IL1RAPL2: variants seen among roughly 807,000 people sequenced by gnomAD.
IL1RAPL2 encodes the protein interleukin 1 receptor accessory protein like 2, also known as X-linked interleukin-1 receptor accessory protein-like 2.
In IL1RAPL2, 3 loss-of-function variants were observed where a neutral mutation model predicts 44.1. The observed-to-expected ratio is 0.07, with a 90% confidence interval of 0.03 to 0.18. The LOEUF (loss-of-function observed/expected upper bound fraction) is 0.18, where lower values mean the gene tolerates loss of function less well. IL1RAPL2 is among the 10% of genes least tolerant of loss of function. The pLI is 1.00. For missense variants in IL1RAPL2, 391 were observed against 496.4 expected (o/e 0.79, Z 2.02); for synonymous variants, 181 against 178.8 (o/e 1.01, Z -0.10).
At chrX:105,542,112 A>G (rs1216164826) in intron 6 of IL1RAPL2, among the ~76,000 whole-genome samples, 1 of 111,792 alleles carries the variant, frequency 8.9e-6, no homozygotes, top group Non-Finnish European at 1.9e-5. Flanking sequence ...AATGCTGCAC[A>G]GTTCCACCAT....
Position 104,658,913 on chromosome X carries a change from G to C in IL1RAPL2, c.-1G>C. On this transcript the variant is annotated 5_prime_UTR_variant, in exon 2 of 11. Transcript: ENST00000372582. Reference sequence around the variant, plus strand: ...TTTTCAGCTGTCAAGAAAAGTGAAGGATGAAGCCACCATTTCTTTTGGCCC... The same window carrying C: ...TTTTCAGCTGTCAAGAAAAGTGAAGCATGAAGCCACCATTTCTTTTGGCCC... 8.3e-7 allele frequency: 1 copy of C among 1,200,153 alleles called. No individual in the cohort carries two copies. Among genetic ancestry groups the C allele is most frequent in the Non-Finnish European group, 1.1e-6 (1 of 887,027 alleles).
At chrX:104,594,523 A>T (rs751971440) in intron 1 of IL1RAPL2, among the ~76,000 whole-genome samples, 2 of 111,953 alleles carry the variant, frequency 1.8e-5, no homozygotes, top group East Asian at 5.6e-4. Context: ...TCATTTATTC[A>T]ATCAATAAAT....
chrX:105,209,640 T>G lies in IL1RAPL2; in HGVS notation c.356+13892T>G, dbSNP rs568035219. Among the ~76,000 whole-genome samples, 24 of 112,160 alleles carry G rather than the reference T, an allele frequency of 2.1e-4. No individual in the cohort carries two copies. The South Asian group carries it at 2.2e-3, about 11-fold the overall frequency. On this transcript the variant is annotated intron_variant, in intron 3 of 10. Coordinates refer to ENST00000372582, the MANE Select transcript of IL1RAPL2 (RefSeq NM_017416.2). Reference sequence around the variant, plus strand: ...GGCTCAAAGGTCAGGTCAGATTGCTTCTGCTGGGTTTGTAGAGGATATTCA... The same window carrying G: ...GGCTCAAAGGTCAGGTCAGATTGCTGCTGCTGGGTTTGTAGAGGATATTCA...
intron 2 of IL1RAPL2, among the ~76,000 whole-genome samples, chrX:105,192,429 C>A (rs1481843403): frequency 2.7e-5 from 3 of 111,728 alleles, no homozygotes; most frequent in African/African-American, 9.8e-5. Flanking sequence ...GCCTATACTT[C>A]TTAGTTGCTT....
At chrX:104,744,667 T>A in intron 2 of IL1RAPL2, among the ~76,000 whole-genome samples, 1 of 111,448 alleles carries the variant, frequency 9.0e-6, no homozygotes, top group Non-Finnish European at 1.9e-5. Flanking sequence ...CTCTATACTG[T>A]TAGAGCAGTG....
intron 2 of IL1RAPL2, among the ~76,000 whole-genome samples, chrX:104,748,668 G>T (rs889798154): frequency 9.0e-6 from 1 of 111,391 alleles, no homozygotes; most frequent in African/African-American, 3.3e-5. Flanking sequence ...ACAGCCCTGG[G>T]TGGGATTCCA....
At chrX:104,890,596 CT>C (rs1228326497) in intron 2 of IL1RAPL2, among the ~76,000 whole-genome samples, 3 of 112,397 alleles carry the variant, frequency 2.7e-5, no homozygotes, top group Non-Finnish European at 5.6e-5. Context: ...TAAATGTCTT[CT>C]TTTGAGAAAT....
At chrX:104,590,997 A>G (rs767017287) in intron 1 of IL1RAPL2, among the ~76,000 whole-genome samples, 3 of 111,511 alleles carry the variant, frequency 2.7e-5, no homozygotes, top group Admixed American at 9.6e-5. Flanking sequence ...AATGCCAATG[A>G]TTTCTTAGAA....
chrX:105,502,555 T>A (rs1377088953), intron 6 of IL1RAPL2, among the ~76,000 whole-genome samples: 2 of 111,374 alleles, frequency 1.8e-5, no homozygotes, highest in African/African-American at 6.5e-5. Flanking sequence ...TCGTTATTAT[T>A]ATAAATGTAA....
intron 2 of IL1RAPL2, among the ~76,000 whole-genome samples, chrX:105,133,445 A>G (rs1053576497): frequency 8.3e-5 from 9 of 108,873 alleles, no homozygotes; most frequent in African/African-American, 2.9e-4. Flanking sequence ...AACTGCTTCA[A>G]TTTATCTCTT....
intron 1 of IL1RAPL2, among the ~76,000 whole-genome samples, chrX:104,583,320 C>A (rs1032325711): frequency 1.8e-5 from 2 of 111,539 alleles, no homozygotes; most frequent in African/African-American, 3.3e-5. Flanking sequence ...AGTCATGCAA[C>A]CATCACCACA....
At chrX:104,797,023 C>T (rs56244249) in intron 2 of IL1RAPL2, among the ~76,000 whole-genome samples, 3 of 110,836 alleles carry the variant, frequency 2.7e-5, no homozygotes, top group African/African-American at 6.6e-5. Context: ...CCGCCCGCCT[C>T]GGCCTCCCAA....
chrX:104,972,682 A>G lies in IL1RAPL2; in HGVS notation c.83-222793A>G, dbSNP rs141067646. Among the ~76,000 whole-genome samples, 7 of 112,076 alleles carry G rather than the reference A, an allele frequency of 6.2e-5. No homozygotes were observed. In the East Asian group the frequency reaches 2.0e-3, roughly 32 times the overall value. ...AGTAATTGGGAGATCAAACAGTATT[A>G]ATAGTGACAGCATGGTATCCAGCTG... is the stretch of plus-strand genomic sequence containing the variant. On this transcript the variant is annotated intron_variant, in intron 2 of 10. Transcript: ENST00000372582.
At chrX:104,846,313 A>G (rs1365971363) in intron 2 of IL1RAPL2, among the ~76,000 whole-genome samples, 1 of 110,253 alleles carries the variant, frequency 9.1e-6, no homozygotes, top group Admixed American at 9.7e-5. Context: ...CATCATTTAC[A>G]TTAGGCATAT....
At chrX:104,983,550 A>C (rs1234374071) in intron 2 of IL1RAPL2, among the ~76,000 whole-genome samples, 1 of 96,400 alleles carries the variant, frequency 1.0e-5, no homozygotes, top group East Asian at 3.0e-4. Context: ...ATATTATATT[A>C]TAGACATATT....
chrX:104,833,682 A>G (rs1294878603), intron 2 of IL1RAPL2, among the ~76,000 whole-genome samples: 2 of 111,444 alleles, frequency 1.8e-5, no homozygotes, highest in Admixed American at 1.9e-4. Flanking sequence ...GTTGAGGACA[A>G]TTCAGGGAAG....
chrX:104,573,014 A>G (rs1300599755), intron 1 of IL1RAPL2, among the ~76,000 whole-genome samples: 6 of 112,036 alleles, frequency 5.4e-5, no homozygotes, highest in East Asian at 2.8e-4. Flanking sequence ...CCTCTACTAA[A>G]TTTTAAACTT....
At chrX:104,833,950 T>C (rs1176951385) in intron 2 of IL1RAPL2, among the ~76,000 whole-genome samples, 1 of 112,087 alleles carries the variant, frequency 8.9e-6, no homozygotes, top group African/African-American at 3.2e-5. Flanking sequence ...GTTGGTTGGT[T>C]TTGGTAATCC....
At chrX:104,981,055 T>TTGTGTGTGTGTGTGTG (rs199571900) in intron 2 of IL1RAPL2, among the ~76,000 whole-genome samples, 5 of 97,387 alleles carry the variant, frequency 5.1e-5, no homozygotes, top group African/African-American at 1.2e-4. Context: ...TTCCAAGGTA[T>TTGTGTGTGTGTGTGTG]TGTGTGTGTG....
Sources: allele counts gnomAD v4.1 joint callset (sites outside exome capture counted in the v4.1 genomes callset), GRCh38; gene constraint gnomAD v4.1.1; transcripts MANE v1.5; gene names NCBI Gene and HGNC (gene_info 2026-07-23, HGNC 2026-07-21).